The following VPS13A variants were observed in gnomAD, a reference collection of about 807,000 sequenced individuals.
VPS13A encodes the protein intermembrane lipid transfer protein VPS13A.
Under a neutral mutation model 390.9 loss-of-function variants are expected in VPS13A, and 264 were observed. That is an observed-to-expected ratio of 0.68 (90% CI 0.61 to 0.75). The LOEUF (loss-of-function observed/expected upper bound fraction) is 0.75, where lower values mean the gene tolerates loss of function less well. VPS13A is among the 30% of genes least tolerant of loss of function. The probability of loss-of-function intolerance (pLI) is 0.00; values close to 1 mark genes in which losing one functional copy is unlikely to be tolerated. For synonymous variants in VPS13A, 1,231 were observed against 1,227.1 expected (o/e 1.00, Z -0.07); for missense variants, 3,409 against 3,733.9 (o/e 0.91, Z 2.27).
chr9:77,364,024 T>C (rs935666245), intron 59 of VPS13A, among the ~76,000 whole-genome samples: 3 of 151,994 alleles, frequency 2.0e-5, no homozygotes, highest in Admixed American at 6.5e-5. Context: ...TTTGCTGGCA[T>C]GGAACCACCA....
chr9:77,337,528 T>C lies in VPS13A; in HGVS notation c.6369T>C (p.Tyr2123=). 1 of 1,612,608 alleles carries C rather than the reference T, an allele frequency of 6.2e-7. No individual in the cohort carries two copies. Among genetic ancestry groups the C allele is most frequent in the Non-Finnish European group, 8.5e-7 (1 of 1,179,416 alleles). The change falls in exon 47 of 72, where the codon TAT becomes TAC. Residue 2123 remains tyrosine (Y), a synonymous_variant. Transcript: ENST00000360280. ...LRNLLPYKIA[Y]YIEGIENSVF... ...ATCTTCTTCCTTACAAAATTGCTTA[T>C]TATATAGAGGTATCGGCAAACTGAT... is the stretch of plus-strand genomic sequence containing the variant.
chr9:77,282,840 T>C (rs1406443524), intron 29 of VPS13A, among the ~76,000 whole-genome samples: 3 of 152,044 alleles, frequency 2.0e-5, no homozygotes, highest in Non-Finnish European at 4.4e-5. Flanking sequence ...CCCAGTTTAC[T>C]TGGGAGGCTG....
intron 7 of VPS13A, among the ~76,000 whole-genome samples, chr9:77,212,007 T>C (rs1203929588): frequency 1.3e-5 from 2 of 152,156 alleles, no homozygotes; most frequent in Admixed American, 1.3e-4. Flanking sequence ...GGAAAAGTTA[T>C]CTCCTATGAA....
rs111867964 is a variant in VPS13A, at chr9:77,307,010, A to T, written c.3961-935A>T. Among the ~76,000 whole-genome samples the T allele has an allele frequency of 1.8e-3, 277 of 151,388 alleles. 1 individual carries two copies. Among genetic ancestry groups the T allele is most frequent in the African/African-American group, 6.3e-3 (260 of 41,216 alleles). ...CACTCTCTGCTTCCCAGGTTCAAACAATTCTCCTGCTTCAGCCACCTGAGT... is the reference window on the plus strand; with the variant it reads ...CACTCTCTGCTTCCCAGGTTCAAACTATTCTCCTGCTTCAGCCACCTGAGT... On this transcript the variant is annotated intron_variant, in intron 34 of 71. Coordinates refer to ENST00000360280, the MANE Select transcript of VPS13A (RefSeq NM_033305.3).
intron 34 of VPS13A, among the ~76,000 whole-genome samples, chr9:77,307,631 C>A (rs747301871): frequency 2.0e-5 from 3 of 151,988 alleles, no homozygotes; most frequent in Non-Finnish European, 2.9e-5. Flanking sequence ...CAAAAAAATC[C>A]AAAGTAGACA....
chr9:77,406,069 C>T, intron 70 of VPS13A, 82 bp downstream of exon 70: 1 of 1,554,236 alleles, frequency 6.4e-7, no homozygotes, highest in Non-Finnish European at 8.8e-7. Flanking sequence ...GTATAATGCT[C>T]TACCTCTTTT....
chr9:77,196,954 C>G (rs1825040201), intron 1 of VPS13A, among the ~76,000 whole-genome samples: 1 of 152,008 alleles, frequency 6.6e-6, no homozygotes, highest in South Asian at 2.1e-4. Flanking sequence ...ATTTATACTC[C>G]CAAAAACAGT....
chr9:77,392,878 G>A (rs904116032), intron 68 of VPS13A, among the ~76,000 whole-genome samples: 3 of 150,996 alleles, frequency 2.0e-5, no homozygotes, highest in African/African-American at 7.3e-5. Flanking sequence ...TGCATGCCTG[G>A]TGTTGATGGT....
chr9:77,397,622 C>T (rs1199279735), intron 68 of VPS13A, among the ~76,000 whole-genome samples: 4 of 152,158 alleles, frequency 2.6e-5, no homozygotes, highest in Non-Finnish European at 4.4e-5. Context: ...AGAAGTGTCT[C>T]TGTTACCATG....
chr9:77,272,815 T>C (rs1199334725), intron 23 of VPS13A, among the ~76,000 whole-genome samples: 3 of 152,218 alleles, frequency 2.0e-5, no homozygotes, highest in Non-Finnish European at 4.4e-5. Flanking sequence ...GATGTGTCTT[T>C]TATTATTATT....
chr9:77,370,272 C>A lies in VPS13A; in HGVS notation c.8683C>A (p.Pro2895Thr). 6.2e-7 allele frequency: 1 copy of A among 1,614,116 alleles called. No homozygotes were observed. Residue 2895 changes from proline to threonine, a missense_variant, in exon 64 of 72, where the codon CCT becomes ACT. Physicochemically the swap from Pro to Thr is conservative, Grantham distance 38 (BLOSUM62 -1). Coordinates refer to ENST00000360280, the MANE Select transcript of VPS13A (RefSeq NM_033305.3). ...YEPYQGAIQG[P>T]EEFVEGMALG... ...GGCCCTTTAGGGAGCCATCCAGGGT[C>A]CTGAAGAGTTTGTGGAAGGAATGGC...
intron 7 of VPS13A, 113 bp downstream of exon 7, chr9:77,210,788 C>A: frequency 1.9e-6 from 2 of 1,040,008 alleles, no homozygotes; most frequent in Non-Finnish European, 3.0e-6. Context: ...AGAACGGGTG[C>A]ACAAAGGGTC....
chr9:77,405,358 G>T (rs1450599473), intron 69 of VPS13A, among the ~76,000 whole-genome samples: 1 of 152,138 alleles, frequency 6.6e-6, no homozygotes, highest in Non-Finnish European at 1.5e-5. Flanking sequence ...TTATTCTAAG[G>T]CGTTAATTAT....
chr9:77,188,592 C>T (rs1350566137), intron 1 of VPS13A, among the ~76,000 whole-genome samples: 1 of 152,094 alleles, frequency 6.6e-6, no homozygotes, highest in East Asian at 1.9e-4. Flanking sequence ...ATGCATGTGT[C>T]CTTATGGTAG....
Position 77,250,144 on chromosome 9 carries a change from G to A in VPS13A, c.2085G>A (p.Glu695=). 2 of 1,613,894 alleles carry A rather than the reference G, an allele frequency of 1.2e-6. No homozygotes were observed. The highest frequency in any genetic ancestry group is 1.7e-6 in the Non-Finnish European group (2 of 1,179,932). The change falls in exon 21 of 72, where the codon GAG becomes GAA. Residue 695 remains glutamate (E), a synonymous_variant. Transcript: ENST00000360280. Reference sequence around the variant, plus strand: ...AATTACCAGATGTGAAACAAGGTGAGGCCAATCTTAAAGAGATAATGGATA... The same window carrying A: ...AATTACCAGATGTGAAACAAGGTGAAGCCAATCTTAAAGAGATAATGGATA... The part of the protein sequence containing the change: ...RSELPDVKQG[E]ANLKEIMDRA...
chr9:77,327,659 T>G (rs1830080166), intron 45 of VPS13A, among the ~76,000 whole-genome samples: 1 of 150,860 alleles, frequency 6.6e-6, no homozygotes, highest in Non-Finnish European at 1.5e-5. Flanking sequence ...TATTATATAT[T>G]AATCAGAATA....
At chr9:77,210,573 A>G (rs777830324) in intron 6 of VPS13A, 43 bp from the exon 7 acceptor site, 22 of 1,585,862 alleles carry the variant, frequency 1.4e-5, no homozygotes, top group East Asian at 2.2e-5. Context: ...ATTTTATCCA[A>G]CTACTAAAAA....
chr9:77,342,954 T>C (rs920403790), intron 50 of VPS13A, among the ~76,000 whole-genome samples: 3 of 151,924 alleles, frequency 2.0e-5, no homozygotes, highest in African/African-American at 7.3e-5. Context: ...GGGGATGGAG[T>C]AGGACAAAGC....
intron 17 of VPS13A, among the ~76,000 whole-genome samples, chr9:77,235,657 C>T (rs552961000): frequency 3.3e-5 from 5 of 152,234 alleles, no homozygotes; most frequent in African/African-American, 7.2e-5. Context: ...TCATGTCCTT[C>T]GGAGAGTCCC....
Sources: allele counts gnomAD v4.1 joint callset (sites outside exome capture counted in the v4.1 genomes callset), GRCh38; gene constraint gnomAD v4.1.1; transcripts MANE v1.5; gene names NCBI Gene and HGNC (gene_info 2026-07-23, HGNC 2026-07-21).